Variants in NRXN1 observed in about 807,000 individuals in gnomAD.
NRXN1 encodes neurexin-1.
A neutral mutation model predicts 150.9 loss-of-function variants in NRXN1; 39 were observed. The observed-to-expected ratio is 0.26, with a 90% CI of 0.20 to 0.34. The LOEUF (loss-of-function observed/expected upper bound fraction) is 0.34. Among genes scored for constraint, NRXN1 ranks in the 10% least tolerant of loss-of-function variants. NRXN1 has a pLI of 1.00. For missense variants in NRXN1, 1,815 were observed against 1,949.9 expected (o/e 0.93, Z 1.30); for synonymous variants, 924 against 757.0 (o/e 1.22, Z -3.62).
At chr2:50,507,136 A>G (rs1440129134) in intron 12 of NRXN1, among the ~76,000 whole-genome samples, 2 of 152,190 alleles carry the variant, frequency 1.3e-5, no homozygotes, top group Non-Finnish European at 2.9e-5. Context: ...GGGAGAAGGT[A>G]CTATCTTGTG....
chr2:51,006,726 G>T (rs1245069840), intron 2 of NRXN1, among the ~76,000 whole-genome samples: 1 of 151,844 alleles, frequency 6.6e-6, no homozygotes, highest in Non-Finnish European at 1.5e-5. Context: ...TCAACATCTT[G>T]CCTCTGTGCA....
At chr2:51,025,341 T>C (rs1340689708) in intron 2 of NRXN1, among the ~76,000 whole-genome samples, 1 of 152,162 alleles carries the variant, frequency 6.6e-6, no homozygotes, top group African/African-American at 2.4e-5. Flanking sequence ...GAAAGAGCTA[T>C]CCATTTGCAA....
rs192861369 is a variant in NRXN1 at position 50,479,816 on chromosome 2, C to T, written c.3071-7345G>A. 1.1e-3 allele frequency among the ~76,000 whole-genome samples: 137 copies of T among 121,000 alleles called. No homozygotes were observed. In the East Asian group the frequency reaches 0.033, roughly 29 times the overall value. The allele number at this position is 121,000 out of a possible 152,430, so 79.4% of individuals were successfully genotyped here. A position where few individuals can be genotyped will look rare whatever the true frequency, so the allele number is the denominator to read the frequency against. ...TGAGATGGAGTCTTGCTCCGTTGCC[C>T]AGGCTGGAGTGCAGTGGCACAATCT... On this transcript the variant is annotated intron_variant, in intron 15 of 22. Coordinates refer to ENST00000401669, the MANE Select transcript of NRXN1 (RefSeq NM_001330078.2).
At chr2:50,037,724 A>G (rs764700699) in intron 21 of NRXN1, among the ~76,000 whole-genome samples, 44 of 152,180 alleles carry the variant, frequency 2.9e-4, no homozygotes, top group Non-Finnish European at 5.3e-4. Context: ...TTTGAGTACA[A>G]ACGATTATTA....
chr2:51,017,944 C>A (rs973227337), intron 2 of NRXN1, among the ~76,000 whole-genome samples: 1 of 152,066 alleles, frequency 6.6e-6, no homozygotes, highest in African/African-American at 2.4e-5. Context: ...AGAGCCCAGG[C>A]ATGCTTAATT....
At chr2:49,977,935 G>T (rs184556457) in intron 21 of NRXN1, among the ~76,000 whole-genome samples, 12 of 152,034 alleles carry the variant, frequency 7.9e-5, no homozygotes, top group African/African-American at 1.4e-4. Flanking sequence ...ATGCTGAGTC[G>T]AGTGGATCAC....
At chr2:50,297,531 G>A (rs1472510086) in intron 17 of NRXN1, among the ~76,000 whole-genome samples, 1 of 152,088 alleles carries the variant, frequency 6.6e-6, no homozygotes. Context: ...CTTTGTCATA[G>A]GAAATTACTA....
chr2:50,961,028 T>C (rs746819063), intron 2 of NRXN1, among the ~76,000 whole-genome samples: 1 of 151,908 alleles, frequency 6.6e-6, no homozygotes, highest in Non-Finnish European at 1.5e-5. Context: ...TAGGTAACAT[T>C]TGGAACAAAT....
chr2:50,552,544 G>T (rs759920815), intron 9 of NRXN1, 43 bp downstream of exon 9: 2 of 1,447,476 alleles, frequency 1.4e-6, no homozygotes, highest in Non-Finnish European at 1.9e-6. Context: ...GGGTGGGTGG[G>T]GTGCTCCAGC....
At chr2:50,082,011 G>A (rs1698043126) in intron 19 of NRXN1, among the ~76,000 whole-genome samples, 1 of 152,114 alleles carries the variant, frequency 6.6e-6, no homozygotes, top group African/African-American at 2.4e-5. Context: ...CCAAATACTT[G>A]TAAATACCAT....
At chr2:50,508,566 C>CTT (rs923803409) in intron 12 of NRXN1, among the ~76,000 whole-genome samples, 1 of 146,604 alleles carries the variant, frequency 6.8e-6, no homozygotes, top group African/African-American at 2.5e-5. Context: ...TTATAGGGAA[C>CTT]TTTTTTTTTT....
intron 17 of NRXN1, among the ~76,000 whole-genome samples, chr2:50,333,143 C>A (rs1467540900): frequency 6.6e-6 from 1 of 152,168 alleles, no homozygotes; most frequent in Non-Finnish European, 1.5e-5. Flanking sequence ...CTACTCATCT[C>A]TTTGATCTTT....
intron 21 of NRXN1, among the ~76,000 whole-genome samples, chr2:49,999,108 CA>C (rs1436555250): frequency 6.6e-6 from 1 of 152,148 alleles, no homozygotes; most frequent in Non-Finnish European, 1.5e-5. Flanking sequence ...GTGTTTCTAT[CA>C]GCAACCAGGT....
chr2:50,962,517 G>GGTTTGTTT (rs4031417), intron 2 of NRXN1, among the ~76,000 whole-genome samples: 8 of 149,532 alleles, frequency 5.4e-5, no homozygotes, highest in African/African-American at 2.0e-4. Flanking sequence ...CCAAGTGCTT[G>GGTTTGTTT]GTTTGTTTGT....
intron 19 of NRXN1, among the ~76,000 whole-genome samples, chr2:50,069,725 C>G (rs1462010511): frequency 2.0e-5 from 3 of 152,132 alleles, no homozygotes; most frequent in African/African-American, 7.2e-5. Context: ...ACACACCCAC[C>G]TCTTATCACT....
rs1474446514 is a variant in NRXN1, at chr2:50,236,954, G to C, written c.3381C>G (p.Ile1127Met). 2 of 1,613,216 alleles carry C rather than the reference G, an allele frequency of 1.2e-6. No individual in the cohort carries two copies. Among genetic ancestry groups the C allele is most frequent in the East Asian group, 2.2e-5 (1 of 44,760 alleles). ...TGATTTGTCCACCACCTTTGCTAAAGATATATGTCGTCCCAGCTGGAAAAC... is the reference window on the plus strand; with the variant it reads ...TGATTTGTCCACCACCTTTGCTAAACATATATGTCGTCCCAGCTGGAAAAC... ...PLCNDPGTTY[I>M]FSKGGGQITY... Residue 1127 changes from isoleucine (I) to methionine (M), a missense_variant, in exon 18 of 23, where the codon ATC (isoleucine) becomes ATG (methionine). Ile to Met is a conservative substitution (Grantham distance 10). Coordinates refer to ENST00000401669, the MANE Select transcript of NRXN1 (RefSeq NM_001330078.2).
intron 5 of NRXN1, among the ~76,000 whole-genome samples, chr2:50,726,832 C>T (rs1342678208): frequency 2.0e-5 from 3 of 152,108 alleles, no homozygotes; most frequent in African/African-American, 4.8e-5. Context: ...AATTATTCAG[C>T]ATACATTCTA....
chr2:50,968,857 C>T (rs987742176), intron 2 of NRXN1, among the ~76,000 whole-genome samples: 1 of 152,016 alleles, frequency 6.6e-6, no homozygotes, highest in African/African-American at 2.4e-5. Flanking sequence ...CCACTGGTCA[C>T]TTCTTCGTTC....
chr2:50,658,347 CA>C (rs936669862), intron 5 of NRXN1, among the ~76,000 whole-genome samples: 1 of 140,692 alleles, frequency 7.1e-6, no homozygotes, highest in Non-Finnish European at 1.5e-5. Context: ...AGAAACAGGG[CA>C]AAAAAAAATT....
Sources: gnomAD v4.1 joint callset for allele counts (sites outside exome capture counted in the v4.1 genomes callset) on GRCh38, gnomAD v4.1.1 for gene constraint, MANE v1.5 for transcripts, NCBI Gene and HGNC (gene_info 2026-07-23, HGNC 2026-07-21) for gene names.